Variants in ANKUB1 observed in about 807,000 individuals in gnomAD.
ANKUB1 encodes protein ANKUB1.
In ANKUB1, 42 loss-of-function variants were observed where a neutral mutation model predicts 49.3. The observed-to-expected ratio is 0.85, with a 90% confidence interval of 0.67 to 1.10. The LOEUF is 1.10. Ranked by LOEUF, ANKUB1 falls within the 50% of genes least tolerant of loss-of-function variation. The pLI is 0.00. For missense variants in ANKUB1, 613 were observed against 642.0 expected (o/e 0.95, Z 0.49); for synonymous variants, 222 against 231.0 (o/e 0.96, Z 0.35).
At position 149,777,195 on chromosome 3, in the gene ANKUB1, C is replaced by T. The variant is rs191438802; in HGVS notation, c.451+3044G>A. ...CTCCTAAAACACTCCTGTTCTAGGCCGGGTGTGGTGGCTCACGCCTGTAAT... is the reference window on the plus strand; with the variant it reads ...CTCCTAAAACACTCCTGTTCTAGGCTGGGTGTGGTGGCTCACGCCTGTAAT... On this transcript the variant is annotated intron_variant, in intron 3 of 5. Coordinates refer to ENST00000446160, the MANE Select transcript of ANKUB1 (RefSeq NM_001144960.3). 1.1e-3 allele frequency among the ~76,000 whole-genome samples: 173 copies of T among 152,220 alleles called. 1 individual carries two copies. The highest frequency in any genetic ancestry group is 4.1e-3 in the East Asian group (21 of 5,158).
intron 3 of ANKUB1, among the ~76,000 whole-genome samples, chr3:149,778,141 A>G (rs1192880586): frequency 6.6e-6 from 1 of 152,184 alleles, no homozygotes; most frequent in Non-Finnish European, 1.5e-5. Context: ...TGCTTTAGGT[A>G]AAGGTATGAA....
chr3:149,792,066 C>T (rs2108285182), intron 1 of ANKUB1, among the ~76,000 whole-genome samples: 1 of 152,064 alleles, frequency 6.6e-6, no homozygotes, highest in African/African-American at 2.4e-5. Flanking sequence ...TGATAATTGA[C>T]TGGCTCTTTT....
At chr3:149,768,559 CCAGA>C (rs1191537939) in intron 4 of ANKUB1, among the ~76,000 whole-genome samples, 3 of 149,014 alleles carry the variant, frequency 2.0e-5, no homozygotes, top group South Asian at 2.1e-4. Context: ...TCCCCCCTCC[CCAGA>C]CAGAGTCTTG....
intron 3 of ANKUB1, among the ~76,000 whole-genome samples, chr3:149,777,467 C>T (rs1051623887): frequency 9.7e-5 from 14 of 144,108 alleles, no homozygotes; most frequent in Non-Finnish European, 1.8e-4. Context: ...AAGACTGTGA[C>T]TCAAAAACAA....
intron 4 of ANKUB1, among the ~76,000 whole-genome samples, chr3:149,768,716 A>T (rs1034815058): frequency 6.6e-6 from 1 of 152,028 alleles, no homozygotes; most frequent in Non-Finnish European, 1.5e-5. Context: ...TAATTTTTGT[A>T]TTTTTTGTAG....
At chr3:149,786,023 T>TTTTATTTATTTATTTA (rs575224030) in intron 2 of ANKUB1, among the ~76,000 whole-genome samples, 71 of 151,716 alleles carry the variant, frequency 4.7e-4, no homozygotes, top group African/African-American at 6.3e-4. Flanking sequence ...GATGATGAGC[T>TTTTATTTATTTATTTA]TTTATTTATT....
At chr3:149,777,199 T>C (rs1421146644) in intron 3 of ANKUB1, among the ~76,000 whole-genome samples, 2 of 151,822 alleles carry the variant, frequency 1.3e-5, no homozygotes, top group Non-Finnish European at 2.9e-5. Flanking sequence ...CTAGGCCGGG[T>C]GTGGTGGCTC....
chr3:149,772,864 G>C (rs908377707), intron 3 of ANKUB1, among the ~76,000 whole-genome samples: 4 of 152,100 alleles, frequency 2.6e-5, no homozygotes, highest in African/African-American at 9.7e-5. Flanking sequence ...GTGCACACCA[G>C]GCTGTTTCTG....
chr3:149,791,374 GT>G (rs1429481427), intron 1 of ANKUB1, among the ~76,000 whole-genome samples: 1 of 152,168 alleles, frequency 6.6e-6, no homozygotes, highest in Non-Finnish European at 1.5e-5. Context: ...AAGTCCACAT[GT>G]CACTATATCA....
Position 149,792,394 on chromosome 3 carries a change from T to C in ANKUB1, c.-28A>G, listed in dbSNP as rs760844747. 2 of 1,448,224 alleles carry C rather than the reference T, an allele frequency of 1.4e-6. No homozygotes were observed. Among genetic ancestry groups the C allele is most frequent in the South Asian group, 1.4e-5 (1 of 71,464 alleles). The allele number at this position is 1,448,224 out of a possible 1,614,324, so 89.7% of individuals were successfully genotyped here. The stretch of plus-strand genomic sequence containing the variant: ...TACAATTACCTTTTCAAACAAAAAA[T>C]ATCCAACTTTTTCAAAGATTCTCCT... On this transcript the variant is annotated 5_prime_UTR_variant, in exon 1 of 6. It adds an upstream start codon to the 5' untranslated region. Transcript: ENST00000446160.
rs770008613 is a variant in ANKUB1 at position 149,767,135 on chromosome 3, A to G, written c.1505+22T>C. ...GCCTTATAAAAGCTTTGCTGTTTGT[A>G]TGTTTAAGGGGAGAACATTACCTTG... On this transcript the variant is annotated intron_variant, in intron 5 of 5. Coordinates refer to ENST00000446160, the MANE Select transcript of ANKUB1 (RefSeq NM_001144960.3). The G allele has an allele frequency of 6.7e-6, 10 of 1,481,640 alleles. No individual in the cohort carries two copies. The East Asian group carries it at 1.2e-4, about 18-fold the overall frequency. The allele number at this position is 1,481,640 out of a possible 1,614,324, so 91.8% of individuals were successfully genotyped here. A position where few individuals can be genotyped will look rare whatever the true frequency, so the allele number is the denominator to read the frequency against.
intron 2 of ANKUB1, among the ~76,000 whole-genome samples, chr3:149,785,413 C>CTT (rs1718047183): frequency 1.3e-5 from 2 of 151,938 alleles, no homozygotes; most frequent in African/African-American, 4.8e-5. Flanking sequence ...TTCCCCCTTC[C>CTT]CCCAACCCCA....
chr3:149,788,478 T>C (rs996649742), intron 2 of ANKUB1, among the ~76,000 whole-genome samples: 1 of 152,004 alleles, frequency 6.6e-6, no homozygotes, highest in Non-Finnish European at 1.5e-5. Flanking sequence ...GCTGGGATTA[T>C]AGATGTGCAC....
chr3:149,767,825 G>A lies in ANKUB1; in HGVS notation c.837C>T (p.Thr279=). The change falls in exon 5 of 6, where the codon ACC becomes ACT. Residue 279 remains threonine, a synonymous_variant. Transcript: ENST00000446160. ...CKNAAGQTPL[T]IVFKHKHKDC... ...CTTTATGCTTGTGTTTGAACACAAT[G>A]GTCAGGGGAGTTTGTCCTGCTGCAT... The A allele has an allele frequency of 2.6e-6, 4 of 1,551,746 alleles. No homozygotes were observed. The highest frequency in any genetic ancestry group is 3.5e-6 in the Non-Finnish European group (4 of 1,147,006).
chr3:149,761,756 A>G, intron 5 of ANKUB1, 143 bp from the exon 6 acceptor site: 1 of 918,504 alleles, frequency 1.1e-6, no homozygotes. Context: ...TAGAAACAGT[A>G]ATCTTTCTAA....
intron 2 of ANKUB1, among the ~76,000 whole-genome samples, chr3:149,785,727 G>A (rs1388797728): frequency 6.6e-6 from 1 of 152,146 alleles, no homozygotes; most frequent in Admixed American, 6.5e-5. Flanking sequence ...ACATACATGT[G>A]CATGTGTCTT....
At chr3:149,790,693 A>C (rs1223557695) in intron 2 of ANKUB1, 88 bp downstream of exon 2, 1 of 1,302,648 alleles carries the variant, frequency 7.7e-7, no homozygotes, top group Non-Finnish European at 1.0e-6. Context: ...TTTCTTTTTA[A>C]GTTATGGAAT....
At chr3:149,775,593 T>G (rs1283936678) in intron 3 of ANKUB1, among the ~76,000 whole-genome samples, 1 of 152,136 alleles carries the variant, frequency 6.6e-6, no homozygotes, top group Non-Finnish European at 1.5e-5. Context: ...CTGGAATGGT[T>G]TCTCAGGTGC....
chr3:149,776,649 G>C (rs1717607064), intron 3 of ANKUB1, among the ~76,000 whole-genome samples: 1 of 152,142 alleles, frequency 6.6e-6, no homozygotes. Context: ...TGAGAGCTTT[G>C]ATTCTTTCCT....
Sources: allele counts gnomAD v4.1 joint callset (sites outside exome capture counted in the v4.1 genomes callset), GRCh38; gene constraint gnomAD v4.1.1; transcripts MANE v1.5; gene names NCBI Gene and HGNC (gene_info 2026-07-23, HGNC 2026-07-21).